The following MPP7 variants were observed in gnomAD, a reference collection of about 807,000 sequenced individuals.
The protein encoded by MPP7 is MAGUK p55 scaffold protein 7.
MPP7 carries 60 observed loss-of-function variants against 76.5 expected under a neutral mutation model. The observed-to-expected ratio is 0.78, with a 90% confidence interval of 0.64 to 0.97. MPP7 has a LOEUF of 0.97. Among genes scored for constraint, MPP7 ranks in the 50% least tolerant of loss-of-function variants. The probability of loss-of-function intolerance (pLI) is 0.00; values close to 1 mark genes in which losing one functional copy is unlikely to be tolerated. For missense variants in MPP7, 641 were observed against 694.0 expected, an observed-to-expected ratio of 0.92 and a Z score of 0.86; for synonymous variants, 237 against 244.5, an observed-to-expected ratio of 0.97 and a Z score of 0.29.
chr10:28,264,377 C>CA (rs1406150738), intron 1 of MPP7, among the ~76,000 whole-genome samples: 2 of 151,690 alleles, frequency 1.3e-5, no homozygotes, highest in Non-Finnish European at 2.9e-5. Context: ...GAATGACTGG[C>CA]AAAAAAATAA....
intron 2 of MPP7, among the ~76,000 whole-genome samples, chr10:28,329,585 C>T (rs1022615647): frequency 2.3e-4 from 32 of 139,704 alleles, no homozygotes; most frequent in African/African-American, 6.3e-4. Context: ...GCTGAGAGAT[C>T]GCGCCACTGC....
chr10:28,091,101 C>T (rs936125380), intron 11 of MPP7, among the ~76,000 whole-genome samples: 1 of 151,902 alleles, frequency 6.6e-6, no homozygotes, highest in Non-Finnish European at 1.5e-5. Flanking sequence ...GAGCCAAGAT[C>T]GCACCACCGT....
chr10:28,103,378 G>A (rs949091341), intron 11 of MPP7, among the ~76,000 whole-genome samples: 4 of 149,064 alleles, frequency 2.7e-5, no homozygotes, highest in African/African-American at 9.9e-5. Context: ...TGCACATGCT[G>A]TCGGGGCACC....
In MPP7 at chr10:28,215,506, G is replaced by A. The variant is rs1264824759; in HGVS notation, c.38-13235C>T. On this transcript the variant is annotated intron_variant, in intron 2 of 16. Coordinates refer to ENST00000683449, the MANE Select transcript of MPP7 (RefSeq NM_001318170.2). Reference sequence around the variant, plus strand: ...GAGAGAGAGATGTGAACAACTCAGGGACAGCGTTCTCGAGGAAGCGACAAT... The same window carrying A: ...GAGAGAGAGATGTGAACAACTCAGGAACAGCGTTCTCGAGGAAGCGACAAT... 2.6e-5 allele frequency among the ~76,000 whole-genome samples: 4 copies of A among 152,168 alleles called. 1 individual carries two copies. Among genetic ancestry groups the A allele is most frequent in the African/African-American group, 4.8e-5 (2 of 41,434 alleles).
At chr10:28,121,472 C>A (rs190097216) in intron 8 of MPP7, among the ~76,000 whole-genome samples, 2 of 151,640 alleles carry the variant, frequency 1.3e-5, no homozygotes, top group Non-Finnish European at 2.9e-5. Context: ...AAATATCCAA[C>A]GTAATAGATT....
intron 2 of MPP7, among the ~76,000 whole-genome samples, chr10:28,226,256 AATT>A (rs560146331): frequency 2.0e-4 from 29 of 144,604 alleles, no homozygotes; most frequent in African/African-American, 7.5e-4. Flanking sequence ...AGGTAAAGTT[AATT>A]TTTTTTTTTT....
chr10:28,065,048 T>G (rs1201199153), intron 13 of MPP7, among the ~76,000 whole-genome samples: 1 of 152,262 alleles, frequency 6.6e-6, no homozygotes, highest in Non-Finnish European at 1.5e-5. Context: ...TCAGTTGTGT[T>G]GTTGCTATTT....
chr10:28,248,250 T>C (rs538274136), intron 1 of MPP7, among the ~76,000 whole-genome samples: 1 of 152,178 alleles, frequency 6.6e-6, no homozygotes, highest in East Asian at 1.9e-4. Context: ...TTATGACCAA[T>C]TTAGTGTCAA....
intron 3 of MPP7, among the ~76,000 whole-genome samples, chr10:28,168,131 G>A (rs10826412): frequency 0.11 from 16,642 of 152,010 alleles, 1,519 homozygotes; most frequent in East Asian, 0.44. Flanking sequence ...TAGCTACTCC[G>A]GAGGCTGAGG....
chr10:28,056,568 G>A lies in MPP7; in HGVS notation c.1463C>T (p.Pro488Leu), dbSNP rs757478218. The part of the protein sequence containing the change: ...EFKPYVIFIK[P>L]PSIERLRETR... ...TTCTCTCAAACGCTCTATTGATGGAGGCTTTATAAATATCACATAGGGCTT... is the reference window on the plus strand; with the variant it reads ...TTCTCTCAAACGCTCTATTGATGGAAGCTTTATAAATATCACATAGGGCTT... The change falls in exon 16 of 17, where the codon CCT becomes CTT. Residue 488 changes from proline to leucine, a missense_variant. Pro to Leu is a moderately conservative substitution (Grantham distance 98, BLOSUM62 -3). Transcript: ENST00000683449. 2.5e-6 allele frequency: 4 copies of A among 1,610,836 alleles called. No homozygotes were observed. In the South Asian group the frequency reaches 4.4e-5, roughly 18 times the overall value.
intron 12 of MPP7, among the ~76,000 whole-genome samples, chr10:28,076,972 A>T (rs1260964287): frequency 6.6e-6 from 1 of 151,534 alleles, no homozygotes; most frequent in Non-Finnish European, 1.5e-5. Flanking sequence ...ATGTAAATTC[A>T]CCATTTCCTT....
At chr10:28,253,508 A>G (rs925375861) in intron 1 of MPP7, among the ~76,000 whole-genome samples, 4 of 152,318 alleles carry the variant, frequency 2.6e-5, no homozygotes, top group African/African-American at 9.6e-5. Context: ...CTGTGCTAAC[A>G]CTATTTCAAC....
intron 1 of MPP7, among the ~76,000 whole-genome samples, chr10:28,294,963 G>A (rs1047251005): frequency 1.5e-5 from 2 of 135,674 alleles, no homozygotes; most frequent in African/African-American, 2.5e-5. Context: ...CTACACTTAC[G>A]TTTCCCCCTA....
At chr10:28,327,382 G>GA (rs34142647) in intron 2 of MPP7, among the ~76,000 whole-genome samples, 79 of 150,586 alleles carry the variant, frequency 5.2e-4, no homozygotes, top group African/African-American at 1.7e-3. Flanking sequence ...TTTGCAGCTG[G>GA]AAAAAAAAAA....
intron 2 of MPP7, among the ~76,000 whole-genome samples, chr10:28,204,764 G>A (rs12049636): frequency 0.18 from 26,701 of 152,194 alleles, 2,986 homozygotes; most frequent in East Asian, 0.56. Flanking sequence ...CTGGCACAGC[G>A]TAGGCAGTCC....
At chr10:28,299,889 C>G (rs1841114179) in intron 1 of MPP7, among the ~76,000 whole-genome samples, 1 of 151,778 alleles carries the variant, frequency 6.6e-6, no homozygotes, top group African/African-American at 2.4e-5. Flanking sequence ...GCCTCAGCCT[C>G]CCGAGTAGCT....
chr10:28,322,598 C>T (rs1179897598), intron 2 of MPP7, among the ~76,000 whole-genome samples: 1 of 152,104 alleles, frequency 6.6e-6, no homozygotes, highest in African/African-American at 2.4e-5. Flanking sequence ...CCTTTGATTT[C>T]TACTCTTTGA....
At chr10:28,192,612 AAG>A (rs1267514329) in intron 3 of MPP7, among the ~76,000 whole-genome samples, 1 of 152,222 alleles carries the variant, frequency 6.6e-6, no homozygotes, top group Non-Finnish European at 1.5e-5. Flanking sequence ...ACTCTGGTAA[AAG>A]AAATCAAACA....
At chr10:28,150,417 A>C (rs1484998966) in intron 3 of MPP7, among the ~76,000 whole-genome samples, 1 of 152,200 alleles carries the variant, frequency 6.6e-6, no homozygotes, top group Non-Finnish European at 1.5e-5. Context: ...CAATATTTCA[A>C]GTATCAGTTG....
Sources: allele counts gnomAD v4.1 joint callset (sites outside exome capture counted in the v4.1 genomes callset), GRCh38; gene constraint gnomAD v4.1.1; transcripts MANE v1.5; gene names NCBI Gene and HGNC (gene_info 2026-07-23, HGNC 2026-07-21).